Variants in CSMD2 observed in about 807,000 individuals in gnomAD.
CSMD2 encodes the protein CUB and sushi domain-containing protein 2.
Under a neutral mutation model 398.5 loss-of-function variants are expected in CSMD2, and 130 were observed. That is an observed-to-expected ratio of 0.33 (90% confidence interval 0.28 to 0.38). The LOEUF is 0.38. Ranked by LOEUF, CSMD2 falls within the 10% of genes least tolerant of loss-of-function variation. The pLI is 1.00. For missense variants in CSMD2, 3,829 were observed against 4,764.9 expected, an observed-to-expected ratio of 0.80 and a Z score of 5.78; for synonymous variants, 1,828 against 1,908.5, an observed-to-expected ratio of 0.96 and a Z score of 1.10.
chr1:33,689,840 A>C (rs1280978212), intron 25 of CSMD2, among the ~76,000 whole-genome samples: 2 of 152,250 alleles, frequency 1.3e-5, no homozygotes, highest in Admixed American at 6.5e-5. Flanking sequence ...AAGAACAAAG[A>C]AAGCACATAA....
chr1:34,051,796 A>G (rs1653201201), intron 2 of CSMD2, among the ~76,000 whole-genome samples: 1 of 152,132 alleles, frequency 6.6e-6, no homozygotes, highest in East Asian at 1.9e-4. Context: ...CAAGGGGTGG[A>G]TTTGTGATGG....
At chr1:33,836,510 C>A (rs936989500) in intron 6 of CSMD2, among the ~76,000 whole-genome samples, 2 of 152,208 alleles carry the variant, frequency 1.3e-5, no homozygotes, top group Non-Finnish European at 2.9e-5. Flanking sequence ...GTGGGCTTCA[C>A]CCAGTTCGAG....
chr1:33,927,899 C>T (rs1218940558), intron 4 of CSMD2, among the ~76,000 whole-genome samples: 1 of 152,162 alleles, frequency 6.6e-6, no homozygotes, highest in Non-Finnish European at 1.5e-5. Flanking sequence ...AGTTTCCAGC[C>T]CCCACCCTGA....
chr1:34,120,753 C>A (rs1662097671), intron 1 of CSMD2, among the ~76,000 whole-genome samples: 1 of 152,160 alleles, frequency 6.6e-6, no homozygotes, highest in African/African-American at 2.4e-5. Context: ...CCATGTTGGC[C>A]AGGCTGGTTT....
intron 2 of CSMD2, among the ~76,000 whole-genome samples, chr1:34,042,234 A>G (rs1001308644): frequency 1.3e-5 from 2 of 152,252 alleles, no homozygotes; most frequent in Non-Finnish European, 2.9e-5. Flanking sequence ...AATGTCTTCC[A>G]GGCACATGGA....
intron 24 of CSMD2, among the ~76,000 whole-genome samples, chr1:33,694,618 T>C (rs1459884033): frequency 2.0e-5 from 3 of 152,180 alleles, no homozygotes; most frequent in Non-Finnish European, 4.4e-5. Context: ...TCCGCCATGA[T>C]TGTATGTTTC....
At chr1:34,061,297 C>T (rs1654475691) in intron 2 of CSMD2, among the ~76,000 whole-genome samples, 1 of 152,156 alleles carries the variant, frequency 6.6e-6, no homozygotes, top group African/African-American at 2.4e-5. Context: ...CCCTTGTGTG[C>T]CACATCTCAC....
chr1:34,118,470 G>A (rs1473336908), intron 1 of CSMD2, among the ~76,000 whole-genome samples: 3 of 152,114 alleles, frequency 2.0e-5, no homozygotes, highest in Non-Finnish European at 2.9e-5. Context: ...TCTGTTTGCA[G>A]ACAACCTGAT....
At chr1:33,682,383 C>A (rs550440742) in intron 25 of CSMD2, among the ~76,000 whole-genome samples, 1 of 152,224 alleles carries the variant, frequency 6.6e-6, no homozygotes, top group African/African-American at 2.4e-5. Context: ...TGGAACCTCA[C>A]ATTTTTGGGG....
intron 3 of CSMD2, among the ~76,000 whole-genome samples, chr1:34,028,062 T>TAC (rs943802340): frequency 6.6e-6 from 1 of 152,190 alleles, no homozygotes; most frequent in African/African-American, 2.4e-5. Flanking sequence ...CTCATGCTTG[T>TAC]AATCCTAGCA....
intron 1 of CSMD2, among the ~76,000 whole-genome samples, chr1:34,153,475 C>T (rs944998603): frequency 2.6e-5 from 4 of 152,192 alleles, no homozygotes; most frequent in South Asian, 2.1e-4. Context: ...GGGTTGCTTC[C>T]GCCATTTGGC....
intron 24 of CSMD2, among the ~76,000 whole-genome samples, chr1:33,694,727 C>A (rs540646131): frequency 6.6e-6 from 1 of 152,178 alleles, no homozygotes; most frequent in East Asian, 1.9e-4. Context: ...AGTGTGAGAA[C>A]AGACTAATAT....
chr1:33,836,707 C>T (rs371796828), intron 6 of CSMD2, among the ~76,000 whole-genome samples: 6 of 152,274 alleles, frequency 3.9e-5, no homozygotes, highest in South Asian at 2.1e-4. Flanking sequence ...CTAAGACTGT[C>T]GGAAAAGCAC....
rs150922409 is a variant in CSMD2 at position 34,011,448 on chromosome 1, G to A, written c.517+21146C>T. On this transcript the variant is annotated intron_variant, in intron 3 of 70. Coordinates refer to ENST00000373381, the MANE Select transcript of CSMD2 (RefSeq NM_001281956.2). Reference sequence around the variant, plus strand: ...TTCCATCAAGATGGGAAACAGAAACGAAGAGAGGCTATGAGCACGTGCCTA... The same window carrying A: ...TTCCATCAAGATGGGAAACAGAAACAAAGAGAGGCTATGAGCACGTGCCTA... 8.4e-4 allele frequency among the ~76,000 whole-genome samples: 128 copies of A among 152,278 alleles called. 1 individual carries two copies. The highest frequency in any genetic ancestry group is 2.8e-3 in the African/African-American group (117 of 41,558).
At chr1:33,662,752 C>T (rs539945510) in intron 26 of CSMD2, 138 bp downstream of exon 26, 2 of 850,562 alleles carry the variant, frequency 2.4e-6, no homozygotes, top group Admixed American at 1.8e-5. Flanking sequence ...CAGGTGCTAA[C>T]CATGTACCAG....
chr1:33,797,713 C>A (rs1308254257), intron 10 of CSMD2, among the ~76,000 whole-genome samples: 1 of 152,150 alleles, frequency 6.6e-6, no homozygotes, highest in Non-Finnish European at 1.5e-5. Context: ...ATATAAAACA[C>A]CACAAGGCAG....
At chr1:33,619,976 T>C (rs1028627034) in intron 37 of CSMD2, among the ~76,000 whole-genome samples, 1 of 152,074 alleles carries the variant, frequency 6.6e-6, no homozygotes, top group Non-Finnish European at 1.5e-5. Context: ...CTACTTACTG[T>C]CCAGTGATGG....
rs555853982 is a variant in CSMD2 at position 33,612,982 on chromosome 1, C to T, written c.6133+1522G>A. 5.3e-5 allele frequency among the ~76,000 whole-genome samples: 8 copies of T among 152,364 alleles called. No homozygotes were observed. The South Asian group carries it at 1.7e-3, about 32-fold the overall frequency. ...TCCCCTCATATAGGAGCCCTGCGGG[C>T]TGCAGGCCCACAGAAGGGGCTCTTT... On this transcript the variant is annotated intron_variant, in intron 40 of 70. Coordinates refer to ENST00000373381, the MANE Select transcript of CSMD2 (RefSeq NM_001281956.2).
rs1019942093 is a variant in CSMD2 at position 33,559,789 on chromosome 1, G to A, written c.8381-316C>T. Among the ~76,000 whole-genome samples, 4 of 151,926 alleles carry A rather than the reference G, an allele frequency of 2.6e-5. No homozygotes were observed. The highest frequency in any genetic ancestry group is 9.7e-5 in the African/African-American group (4 of 41,332). Reference sequence around the variant, plus strand: ...TACTTTCCTTGCCTCTGATGCCCTCGGCTCCCCAGATCCATTCTTAATTGC... The same window carrying A: ...TACTTTCCTTGCCTCTGATGCCCTCAGCTCCCCAGATCCATTCTTAATTGC... On this transcript the variant is annotated intron_variant, in intron 53 of 70. Transcript: ENST00000373381. This position sits in a 1 kb window ranked among gnomAD's most constrained non-coding sequence, Gnocchi z 4.0.
Sources: allele counts gnomAD v4.1 joint callset (sites outside exome capture counted in the v4.1 genomes callset), GRCh38; gene constraint gnomAD v4.1.1; non-coding constraint Gnocchi (gnomAD v3.1); transcripts MANE v1.5; gene names NCBI Gene and HGNC (gene_info 2026-07-23, HGNC 2026-07-21).